Variants in TACR1 observed in about 807,000 individuals in gnomAD.
TACR1 encodes the protein tachykinin receptor 1.
TACR1 carries 25 observed loss-of-function variants against 35.8 expected under a neutral mutation model. That is an observed-to-expected ratio of 0.70 (90% CI 0.51 to 0.98). TACR1 has a LOEUF of 0.98. Among genes scored for constraint, TACR1 ranks in the 50% least tolerant of loss-of-function variants. The pLI, the probability that TACR1 is intolerant of heterozygous loss-of-function variation, is 0.00. For missense variants in TACR1, 478 were observed against 522.9 expected, an observed-to-expected ratio of 0.91 and a Z score of 0.84; for synonymous variants, 195 against 206.7, an observed-to-expected ratio of 0.94 and a Z score of 0.48.
chr2:75,093,448 A>G (rs1254429861), intron 2 of TACR1, among the ~76,000 whole-genome samples: 2 of 152,146 alleles, frequency 1.3e-5, no homozygotes, highest in African/African-American at 2.4e-5. Context: ...TCTACTGCTA[A>G]TCTCCCCTGT....
At chr2:75,174,872 G>C (rs1234098223) in intron 1 of TACR1, among the ~76,000 whole-genome samples, 2 of 152,184 alleles carry the variant, frequency 1.3e-5, no homozygotes, top group Admixed American at 1.3e-4. Flanking sequence ...TATTACCAAA[G>C]AGAGATTCTG....
At chr2:75,112,485 T>C (rs1431477307) in intron 2 of TACR1, among the ~76,000 whole-genome samples, 1 of 152,116 alleles carries the variant, frequency 6.6e-6, no homozygotes, top group Non-Finnish European at 1.5e-5. Context: ...TTAAACACTT[T>C]CTGTGTTTTG....
intron 1 of TACR1, among the ~76,000 whole-genome samples, chr2:75,134,811 T>C (rs1452914468): frequency 6.6e-6 from 1 of 152,232 alleles, no homozygotes; most frequent in Non-Finnish European, 1.5e-5. Flanking sequence ...ACCAGCTGAT[T>C]AACTTAACGA....
At chr2:75,078,065 G>A (rs1319347324) in intron 2 of TACR1, among the ~76,000 whole-genome samples, 1 of 152,196 alleles carries the variant, frequency 6.6e-6, no homozygotes, top group Non-Finnish European at 1.5e-5. Context: ...CAGCAGGACG[G>A]TGTTTCAAAT....
At chr2:75,069,955 C>G (rs1315489799) in intron 2 of TACR1, among the ~76,000 whole-genome samples, 1 of 142,052 alleles carries the variant, frequency 7.0e-6, no homozygotes, top group African/African-American at 2.8e-5. Context: ...CCATGTGCTG[C>G]CCACATTCAC....
intron 2 of TACR1, among the ~76,000 whole-genome samples, chr2:75,073,090 G>C (rs1024971538): frequency 2.0e-5 from 3 of 152,066 alleles, no homozygotes; most frequent in Non-Finnish European, 4.4e-5. Flanking sequence ...CTATATAAGA[G>C]GAAAACCTCA....
intron 1 of TACR1, among the ~76,000 whole-genome samples, chr2:75,137,415 A>T (rs1013723060): frequency 1.3e-5 from 2 of 152,140 alleles, no homozygotes; most frequent in Non-Finnish European, 2.9e-5. Context: ...TAGGTCCAAG[A>T]TAAAATATTT....
At chr2:75,107,589 C>A (rs543284401) in intron 2 of TACR1, among the ~76,000 whole-genome samples, 1 of 151,692 alleles carries the variant, frequency 6.6e-6, no homozygotes. Context: ...AGAAAGAAAA[C>A]TTGAAATACA....
chr2:75,062,329 A>G (rs1255921507), intron 2 of TACR1, among the ~76,000 whole-genome samples: 1 of 152,194 alleles, frequency 6.6e-6, no homozygotes, highest in Non-Finnish European at 1.5e-5. Flanking sequence ...TATCACCTAG[A>G]AATAAATTCT....
At chr2:75,124,153 T>C (rs1674026443) in intron 1 of TACR1, among the ~76,000 whole-genome samples, 1 of 152,196 alleles carries the variant, frequency 6.6e-6, no homozygotes, top group Admixed American at 6.5e-5. Flanking sequence ...CCATCAGGAC[T>C]GATTTGAATT....
intron 2 of TACR1, among the ~76,000 whole-genome samples, chr2:75,060,787 G>A (rs911787371): frequency 2.0e-5 from 3 of 152,186 alleles, no homozygotes; most frequent in African/African-American, 7.2e-5. Context: ...GGGCCTGGCA[G>A]GAAGTGGCGC....
At chr2:75,091,201 CAAA>C (rs1184236584) in intron 2 of TACR1, among the ~76,000 whole-genome samples, 358 of 63,400 alleles carry the variant, frequency 5.6e-3, no homozygotes, top group African/African-American at 0.018. Context: ...CTCGTAGGTG[CAAA>C]AAAAAAAAAA....
chr2:75,181,392 A>T (rs1203439651), intron 1 of TACR1, among the ~76,000 whole-genome samples: 1 of 152,206 alleles, frequency 6.6e-6, no homozygotes, highest in African/African-American at 2.4e-5. Context: ...GGGAAAAAAA[A>T]ATGACAAAGA....
chr2:75,117,662 G>T (rs1221745802), intron 2 of TACR1, among the ~76,000 whole-genome samples: 2 of 152,312 alleles, frequency 1.3e-5, no homozygotes, highest in East Asian at 3.9e-4. Context: ...AATATTTTAA[G>T]TTGAAAATGC....
chr2:75,066,629 A>G (rs988199925), intron 2 of TACR1, among the ~76,000 whole-genome samples: 2 of 152,076 alleles, frequency 1.3e-5, no homozygotes, highest in African/African-American at 4.8e-5. Context: ...CTTGTCTTGA[A>G]CCCTGAGCCC....
At chr2:75,154,406 G>GCTCGCGTGCGCGCGCGCA (rs1264139655) in intron 1 of TACR1, 1 of 78,514 alleles carries the variant, frequency 1.3e-5, no homozygotes, top group African/African-American at 6.4e-5. Flanking sequence ...CCAAGAGCGC[G>GCTCGCGTGCGCGCGCGCA]CACGCACACA....
intron 2 of TACR1, among the ~76,000 whole-genome samples, chr2:75,066,102 C>T (rs1277078622): frequency 6.6e-6 from 1 of 152,154 alleles, no homozygotes; most frequent in Non-Finnish European, 1.5e-5. Context: ...AAATAGCTAT[C>T]GGCTTAGAAG....
At chr2:75,098,205 A>G (rs893439151) in intron 2 of TACR1, among the ~76,000 whole-genome samples, 5 of 152,226 alleles carry the variant, frequency 3.3e-5, no homozygotes, top group African/African-American at 4.8e-5. Flanking sequence ...CTCAAGAAAG[A>G]AAGACAATTC....
At chr2:75,125,638 G>C (rs1387358367) in intron 1 of TACR1, among the ~76,000 whole-genome samples, 1 of 152,156 alleles carries the variant, frequency 6.6e-6, no homozygotes, top group Non-Finnish European at 1.5e-5. Context: ...AATGCTTGTT[G>C]AGTGAAAATA....
Sources: gnomAD v4.1 joint callset for allele counts (sites outside exome capture counted in the v4.1 genomes callset) on GRCh38, gnomAD v4.1.1 for gene constraint, MANE v1.5 for transcripts, NCBI Gene and HGNC (gene_info 2026-07-23, HGNC 2026-07-21) for gene names.